ULK4: variants seen among roughly 807,000 people sequenced by gnomAD.
The protein encoded by ULK4 is inactive serine/threonine-protein kinase ULK4.
A neutral mutation model predicts 160.6 loss-of-function variants in ULK4; 133 were observed. The observed-to-expected ratio is 0.83, with a 90% CI of 0.72 to 0.96. The LOEUF (loss-of-function observed/expected upper bound fraction) is 0.96, where lower values mean the gene tolerates loss of function less well. ULK4 is among the 40% of genes least tolerant of loss of function. The pLI is 0.00. For synonymous variants in ULK4, 534 were observed against 539.8 expected, an observed-to-expected ratio of 0.99 and a Z score of 0.15; for missense variants, 1,580 against 1,499.5, an observed-to-expected ratio of 1.05 and a Z score of -0.89.
chr3:41,834,669 T>C (rs1358497516), intron 18 of ULK4, among the ~76,000 whole-genome samples: 1 of 152,218 alleles, frequency 6.6e-6, no homozygotes, highest in Non-Finnish European at 1.5e-5. Context: ...ATGATGATTG[T>C]TCAGAAAGTC....
At chr3:41,328,501 C>T (rs189319338) in intron 35 of ULK4, among the ~76,000 whole-genome samples, 5 of 152,106 alleles carry the variant, frequency 3.3e-5, no homozygotes, top group Admixed American at 2.6e-4. Context: ...GAGGCAAGAG[C>T]AGAGAGAGGT....
intron 25 of ULK4, among the ~76,000 whole-genome samples, chr3:41,709,767 T>C (rs1046388480): frequency 6.6e-6 from 1 of 152,190 alleles, no homozygotes; most frequent in Non-Finnish European, 1.5e-5. Flanking sequence ...AATGGACACA[T>C]AACTTTTATC....
At chr3:41,604,913 C>A (rs1310742577) in intron 31 of ULK4, among the ~76,000 whole-genome samples, 2 of 151,988 alleles carry the variant, frequency 1.3e-5, no homozygotes, top group Non-Finnish European at 2.9e-5. Context: ...TGTACTTCAC[C>A]CTGTTTGCAC....
intron 27 of ULK4, among the ~76,000 whole-genome samples, chr3:41,704,705 G>A (rs1460600930): frequency 6.6e-6 from 1 of 152,048 alleles, no homozygotes; most frequent in African/African-American, 2.4e-5. Flanking sequence ...AGAATGCACG[G>A]GACAGCCCCA....
At chr3:41,917,328 C>T (rs1699003718) in intron 7 of ULK4, among the ~76,000 whole-genome samples, 1 of 152,060 alleles carries the variant, frequency 6.6e-6, no homozygotes, top group Admixed American at 6.6e-5. Context: ...CATACCAAGA[C>T]CTTGTCTCCA....
intron 21 of ULK4, among the ~76,000 whole-genome samples, chr3:41,756,443 G>C (rs2038806093): frequency 6.6e-6 from 1 of 152,072 alleles, no homozygotes; most frequent in South Asian, 2.1e-4. Flanking sequence ...GGTTCTTCAT[G>C]GTCTGGCTTT....
At chr3:41,291,073 G>GTTTTT (rs2079551465) in intron 35 of ULK4, among the ~76,000 whole-genome samples, 1 of 151,922 alleles carries the variant, frequency 6.6e-6, no homozygotes, top group African/African-American at 2.4e-5. Context: ...TTTTGTTTTT[G>GTTTTT]GTTCGCGGTG....
At chr3:41,731,913 A>C (rs2037838679) in intron 22 of ULK4, among the ~76,000 whole-genome samples, 1 of 152,150 alleles carries the variant, frequency 6.6e-6, no homozygotes, top group Non-Finnish European at 1.5e-5. Context: ...CGAAGTTGGG[A>C]AAACTGGATA....
chr3:41,611,386 C>G (rs116290675), intron 31 of ULK4, among the ~76,000 whole-genome samples: 1,848 of 152,212 alleles, frequency 0.012, 31 homozygotes, highest in African/African-American at 0.043. Context: ...ACTGTTTGGC[C>G]TGCCAAACAC....
At chr3:41,456,504 T>C (rs1046119953) in intron 33 of ULK4, among the ~76,000 whole-genome samples, 2 of 152,242 alleles carry the variant, frequency 1.3e-5, no homozygotes, top group African/African-American at 4.8e-5. Flanking sequence ...TACAGGTAGA[T>C]ATTCCTATGA....
intron 18 of ULK4, among the ~76,000 whole-genome samples, chr3:41,833,130 C>T (rs1691063417): frequency 6.6e-6 from 1 of 152,086 alleles, no homozygotes; most frequent in African/African-American, 2.4e-5. Context: ...GGCAGTATGG[C>T]CATTTTCACA....
At chr3:41,815,680 G>C (rs1389429480) in intron 19 of ULK4, among the ~76,000 whole-genome samples, 1 of 152,088 alleles carries the variant, frequency 6.6e-6, no homozygotes, top group African/African-American at 2.4e-5. Flanking sequence ...GGAAGTTATT[G>C]TTCACATCTT....
At position 41,919,770 on chromosome 3, in the gene ULK4, G is replaced by A; in HGVS notation, c.590C>T (p.Ser197Phe). The change falls in exon 6 of 37, where the codon TCC (serine) becomes TTC (phenylalanine). Residue 197 changes from serine to phenylalanine, a missense_variant. Transcript: ENST00000301831. ...CAAAGACCAGAGGTCACTGGAGATG[G>A]AAAAGTCAGCACCCCTCACAACTTC... is the stretch of plus-strand genomic sequence containing the variant. ...APEVVRGADF[S>F]ISSDLWSLGC... 6.2e-7 allele frequency: 1 copy of A among 1,614,076 alleles called. No homozygotes were observed. Among genetic ancestry groups the A allele is most frequent in the Middle Eastern group, 1.6e-4 (1 of 6,062 alleles).
intron 21 of ULK4, among the ~76,000 whole-genome samples, chr3:41,775,973 T>C (rs909005888): frequency 2.0e-5 from 3 of 150,992 alleles, no homozygotes; most frequent in African/African-American, 7.4e-5. Context: ...AACACTACTG[T>C]GATAAATAAT....
chr3:41,255,091 T>C (rs528928801), intron 35 of ULK4, among the ~76,000 whole-genome samples: 1 of 151,410 alleles, frequency 6.6e-6, no homozygotes, highest in Non-Finnish European at 1.5e-5. Flanking sequence ...ATATCTCTTA[T>C]ATATAATTAT....
At chr3:41,910,941 C>A (rs554618968) in intron 11 of ULK4, among the ~76,000 whole-genome samples, 2 of 152,070 alleles carry the variant, frequency 1.3e-5, no homozygotes, top group African/African-American at 2.4e-5. Flanking sequence ...CCAGCCTGGG[C>A]AATAGACGGA....
intron 35 of ULK4, among the ~76,000 whole-genome samples, chr3:41,337,088 A>C (rs2080575238): frequency 6.6e-6 from 1 of 152,172 alleles, no homozygotes; most frequent in Non-Finnish European, 1.5e-5. Flanking sequence ...AGGCTCAGAG[A>C]GACTACATGC....
intron 22 of ULK4, among the ~76,000 whole-genome samples, chr3:41,750,207 G>C (rs2038569405): frequency 6.6e-6 from 1 of 152,304 alleles, no homozygotes; most frequent in Non-Finnish European, 1.5e-5. Flanking sequence ...TTTAATGATG[G>C]AGTCTGGTAA....
chr3:41,638,347 T>C (rs1403981641), intron 30 of ULK4, among the ~76,000 whole-genome samples: 1 of 152,120 alleles, frequency 6.6e-6, no homozygotes, highest in Non-Finnish European at 1.5e-5. Flanking sequence ...TAATAAAACC[T>C]GTCCCTAAAA....
Sources: allele counts gnomAD v4.1 joint callset (sites outside exome capture counted in the v4.1 genomes callset), GRCh38; gene constraint gnomAD v4.1.1; transcripts MANE v1.5; gene names NCBI Gene and HGNC (gene_info 2026-07-23, HGNC 2026-07-21).